FANCM: variants seen among roughly 807,000 people sequenced by gnomAD.
The protein encoded by FANCM is Fanconi anemia group M protein.
Under a neutral mutation model 199.5 loss-of-function variants are expected in FANCM, and 140 were observed. The observed-to-expected ratio is 0.70, with a 90% confidence interval of 0.61 to 0.81. The LOEUF (loss-of-function observed/expected upper bound fraction) is 0.81, where lower values mean the gene tolerates loss of function less well. Ranked by LOEUF, FANCM falls within the 30% of genes least tolerant of loss-of-function variation. The probability of loss-of-function intolerance (pLI) is 0.00; values close to 1 mark genes in which losing one functional copy is unlikely to be tolerated. For missense variants in FANCM, 2,410 were observed against 2,421.4 expected, an observed-to-expected ratio of 1.00 and a Z score of 0.10; for synonymous variants, 840 against 836.8, an observed-to-expected ratio of 1.00 and a Z score of -0.07.
chr14:45,147,278 C>T (rs1886469046), intron 3 of FANCM, among the ~76,000 whole-genome samples: 1 of 151,910 alleles, frequency 6.6e-6, no homozygotes, highest in South Asian at 2.1e-4. Context: ...AAACCAAGCC[C>T]TCAAAGCTTT....
At chr14:45,187,713 G>A in intron 18 of FANCM, 68 bp from the exon 19 acceptor site, 2 of 735,408 alleles carry the variant, frequency 2.7e-6, no homozygotes, top group South Asian at 3.1e-5. Context: ...ATAGATTGAA[G>A]TTAAATACTT....
Position 45,175,358 on chromosome 14 carries a change from A to G in FANCM, c.2604A>G (p.Lys868=), listed in dbSNP as rs1364564920. The change falls in exon 14 of 23, where the codon AAA becomes AAG. Residue 868 remains lysine, a synonymous_variant. Transcript: ENST00000267430. ...AAATAAAAAAAGATCAGCTTAAAAA[A>G]GAAAATAATCACGGTATTATAGATT... The part of the protein sequence containing the change: ...SKEIKKDQLK[K]ENNHGIIDSV... The G allele has an allele frequency of 6.4e-7, 1 of 1,562,224 alleles. No individual in the cohort carries two copies. The highest frequency in any genetic ancestry group is 2.0e-5 in the Admixed American group (1 of 50,446).
intron 14 of FANCM, 75 bp downstream of exon 14, chr14:45,177,051 A>G (rs1401596992): frequency 1.0e-6 from 1 of 990,800 alleles, no homozygotes; most frequent in African/African-American, 1.6e-5. Context: ...TAATTTTTCC[A>G]AATGTAATTT....
At chr14:45,145,520 C>T (rs1042042221) in intron 3 of FANCM, among the ~76,000 whole-genome samples, 1 of 152,198 alleles carries the variant, frequency 6.6e-6, no homozygotes, top group Non-Finnish European at 1.5e-5. Context: ...ACACTTAGTT[C>T]AATGCACAGT....
At chr14:45,145,397 G>A (rs1400051633) in intron 3 of FANCM, among the ~76,000 whole-genome samples, 1 of 152,096 alleles carries the variant, frequency 6.6e-6, no homozygotes, top group Admixed American at 6.5e-5. Context: ...AGGAACTTAA[G>A]TTCCAACCAC....
chr14:45,195,313 C>G (rs1462334499), intron 20 of FANCM, among the ~76,000 whole-genome samples: 1 of 152,158 alleles, frequency 6.6e-6, no homozygotes, highest in African/African-American at 2.4e-5. Context: ...TGTATTCTGG[C>G]TACAAGCCTA....
intron 14 of FANCM, among the ~76,000 whole-genome samples, chr14:45,177,590 C>T (rs1056693564): frequency 2.0e-5 from 3 of 152,102 alleles, no homozygotes; most frequent in Non-Finnish European, 4.4e-5. Context: ...TGGGGTTTCA[C>T]CATGTTGGAC....
intron 5 of FANCM, 56 bp downstream of exon 5, chr14:45,151,584 A>G: frequency 6.7e-7 from 1 of 1,492,416 alleles, no homozygotes; most frequent in South Asian, 1.1e-5. Flanking sequence ...GAAAGCCAGG[A>G]TAAAACATAG....
At chr14:45,192,385 T>G (rs1889816617) in intron 20 of FANCM, among the ~76,000 whole-genome samples, 1 of 152,224 alleles carries the variant, frequency 6.6e-6, no homozygotes, top group Non-Finnish European at 1.5e-5. Flanking sequence ...CTTACGCCTA[T>G]AATCCCAGCA....
intron 9 of FANCM, among the ~76,000 whole-genome samples, chr14:45,160,000 TTG>T (rs1342180459): frequency 1.1e-3 from 159 of 145,210 alleles, no homozygotes; most frequent in Middle Eastern, 3.6e-3. Flanking sequence ...GGTTTTTTTT[TTG>T]TTTTTTTTTT....
At position 45,193,382 on chromosome 14, in the gene FANCM, G is replaced by C. The variant is rs191578343; in HGVS notation, c.5341-2790G>C. 4.9e-4 allele frequency among the ~76,000 whole-genome samples: 75 copies of C among 152,212 alleles called. 1 individual carries two copies. The highest frequency in any genetic ancestry group is 1.5e-3 in the African/African-American group (64 of 41,534). ...AGAAAACACTAATTCCATACTCCTA[G>C]TGCTCCCTCCCACCAGGCTAGCAAA... On this transcript the variant is annotated intron_variant, in intron 20 of 22. Transcript: ENST00000267430.
chr14:45,178,067 T>C (rs1966868221), intron 14 of FANCM, among the ~76,000 whole-genome samples: 1 of 152,342 alleles, frequency 6.6e-6, no homozygotes, highest in African/African-American at 2.4e-5. Flanking sequence ...TTACTCCTTA[T>C]GTTAAAAGCT....
At chr14:45,136,937 T>G (rs1387128451) in intron 1 of FANCM, 132 bp from the exon 2 acceptor site, 1 of 757,690 alleles carries the variant, frequency 1.3e-6, no homozygotes, top group Non-Finnish European at 2.2e-6. Context: ...AATGTAGCAT[T>G]CCGATGAATT....
intron 9 of FANCM, among the ~76,000 whole-genome samples, chr14:45,160,694 A>G (rs1645531835): frequency 6.6e-6 from 1 of 151,916 alleles, no homozygotes; most frequent in Non-Finnish European, 1.5e-5. Context: ...ACAGGTGCCC[A>G]CCACGCCCAG....
chr14:45,165,348 C>G (rs1037191702), intron 10 of FANCM, among the ~76,000 whole-genome samples: 19 of 152,090 alleles, frequency 1.2e-4, no homozygotes, highest in Admixed American at 9.8e-4. Context: ...GAGTCCGAGA[C>G]CAGCCTGGCC....
At chr14:45,146,053 C>A (rs1380162251) in intron 3 of FANCM, among the ~76,000 whole-genome samples, 1 of 131,730 alleles carries the variant, frequency 7.6e-6, no homozygotes, top group African/African-American at 2.9e-5. Context: ...AGCGAGACTC[C>A]GTCTCAAAAA....
At chr14:45,197,049 G>T (rs1380860363) in intron 21 of FANCM, among the ~76,000 whole-genome samples, 1 of 152,194 alleles carries the variant, frequency 6.6e-6, no homozygotes, top group Non-Finnish European at 1.5e-5. Flanking sequence ...ATGGGTCACT[G>T]AAGTGGGTAC....
chr14:45,149,443 T>G (rs1886665951), intron 4 of FANCM, among the ~76,000 whole-genome samples: 1 of 152,172 alleles, frequency 6.6e-6, no homozygotes, highest in Non-Finnish European at 1.5e-5. Flanking sequence ...TTTGTTCAGC[T>G]CACTGCAGCT....
At chr14:45,148,748 A>C in intron 3 of FANCM, 89 bp from the exon 4 acceptor site, 1 of 835,012 alleles carries the variant, frequency 1.2e-6, no homozygotes, top group Non-Finnish European at 1.9e-6. Context: ...CTTCTTTCAA[A>C]ATTTTACTGC....
Sources: gnomAD v4.1 joint callset for allele counts (sites outside exome capture counted in the v4.1 genomes callset) on GRCh38, gnomAD v4.1.1 for gene constraint, MANE v1.5 for transcripts, NCBI Gene and HGNC (gene_info 2026-07-23, HGNC 2026-07-21) for gene names.